POU5F1B: variants seen among roughly 807,000 people sequenced by gnomAD.
POU5F1B encodes POU class 5 homeobox 1B.
A neutral mutation model predicts 28.1 loss-of-function variants in POU5F1B; 24 were observed. The observed-to-expected ratio is 0.85, with a 90% CI of 0.62 to 1.20. The LOEUF (loss-of-function observed/expected upper bound fraction) is 1.20, where lower values mean the gene tolerates loss of function less well. Among genes scored for constraint, POU5F1B ranks in the 50% most tolerant of loss-of-function variants. The pLI, the probability that POU5F1B is intolerant of heterozygous loss-of-function variation, is 0.00. For synonymous variants in POU5F1B, 220 were observed against 193.2 expected (o/e 1.14, Z -1.15); for missense variants, 451 against 451.5 (o/e 1.00, Z 0.01).
exon 3 of POU5F1B, chr8:127,416,022 G>A (rs1321613473): frequency 5.0e-6 from 8 of 1,601,524 alleles, no homozygotes; most frequent in South Asian, 2.2e-5. Flanking sequence ...CGGGGGTTGG[G>A]CCAGGCTCTG....
chr8:127,416,187 C>T (rs765835039), exon 3 of POU5F1B: 1 of 1,613,876 alleles, frequency 6.2e-7, no homozygotes, highest in Non-Finnish European at 8.5e-7. Context: ...AGAGCAACTC[C>T]AATGGGGCCT....
exon 3 of POU5F1B, chr8:127,416,885 A>T (rs564660017): frequency 5.6e-6 from 9 of 1,600,286 alleles, no homozygotes. Flanking sequence ...CCTTTCCCTG[A>T]GGGGGAAGTC....
At chr8:127,415,609 T>C (rs1208276401) in exon 3 of POU5F1B, 1 of 552,530 alleles carries the variant, frequency 1.8e-6, no homozygotes, top group East Asian at 3.4e-5. Flanking sequence ...GGACACATTA[T>C]TCAACATTTC....
chr8:127,414,124 A>G (rs150704177), intron 1 of POU5F1B, among the ~76,000 whole-genome samples: 148 of 152,340 alleles, frequency 9.7e-4, no homozygotes, highest in South Asian at 4.1e-3. Context: ...AGTCATATCT[A>G]TCTTATTGGA....
At chr8:127,416,666 G>A (rs182961302) in exon 3 of POU5F1B, 3 of 1,604,198 alleles carry the variant, frequency 1.9e-6, no homozygotes, top group Middle Eastern at 1.7e-4. Flanking sequence ...CAGCAGCTTG[G>A]GCTCGAGAAG....
chr8:127,416,910 C>G (rs397839847), exon 3 of POU5F1B: 1 of 1,600,822 alleles, frequency 6.2e-7, no homozygotes. Context: ...CCCCAGTCTC[C>G]GTCATCACTC....
chr8:127,414,438 C>T (rs183729451), intron 1 of POU5F1B, among the ~76,000 whole-genome samples: 129 of 152,186 alleles, frequency 8.5e-4, no homozygotes, highest in Non-Finnish European at 3.5e-4. Context: ...AGAAAGGAGC[C>T]CACTGCTTAA....
exon 3 of POU5F1B, chr8:127,415,790 G>A (rs941036636): frequency 8.9e-5 from 129 of 1,455,012 alleles, no homozygotes; most frequent in Non-Finnish European, 1.1e-4. Context: ...ACAGCCATAC[G>A]GTCACAGAGC....
chr8:127,417,029 G>A lies in POU5F1B; in HGVS notation c.*83G>A, dbSNP rs78695295. On this transcript the variant is annotated 3_prime_UTR_variant, in exon 3 of 3. Coordinates refer to ENST00000465342, the Ensembl canonical transcript of POU5F1B. ...CCTGGAGTTTGTGGCAGGGCTTTTG[G>A]GATTAAGTTCTTCATTCACTAAGGA... The A allele has an allele frequency of 1.1e-3, 1,709 of 1,548,006 alleles. 21 individuals carry two copies. In the African/African-American group the frequency reaches 0.021, roughly 19 times the overall value.
At chr8:127,415,768 C>G (rs1268114249) in exon 3 of POU5F1B, 5 of 1,442,620 alleles carry the variant, frequency 3.5e-6, no homozygotes, top group Non-Finnish European at 4.6e-6. Flanking sequence ...TGCTAGTGAG[C>G]GTATGACACA....
chr8:127,416,212 A>G (rs770200466), exon 3 of POU5F1B: 10 of 1,613,878 alleles, frequency 6.2e-6, no homozygotes, highest in Admixed American at 1.7e-5. Flanking sequence ...GGAACCCTGC[A>G]CCGTCCCCCC....
exon 3 of POU5F1B, chr8:127,415,928 G>T: frequency 1.3e-6 from 2 of 1,553,904 alleles, no homozygotes; most frequent in Non-Finnish European, 1.7e-6. Flanking sequence ...GGGGGTGATG[G>T]GCCATGGGGG....
intron 1 of POU5F1B, among the ~76,000 whole-genome samples, chr8:127,413,884 C>T (rs1458318610): frequency 7.6e-6 from 1 of 132,250 alleles, no homozygotes; most frequent in Non-Finnish European, 1.7e-5. Context: ...ACACACAACA[C>T]CCGATATAAT....
chr8:127,414,211 A>T (rs1438629127), intron 1 of POU5F1B, among the ~76,000 whole-genome samples: 1 of 152,242 alleles, frequency 6.6e-6, no homozygotes, highest in African/African-American at 2.4e-5. Context: ...TTTCCAACTC[A>T]TATCCCAATT....
intron 1 of POU5F1B, chr8:127,414,760 G>C (rs904481424): frequency 6.6e-6 from 1 of 152,186 alleles, no homozygotes; most frequent in African/African-American, 2.4e-5. Context: ...AATGGTGAAG[G>C]CTAATTACCC....
At chr8:127,416,224 G>T in exon 3 of POU5F1B, 1 of 1,613,878 alleles carries the variant, frequency 6.2e-7, no homozygotes, top group Admixed American at 1.7e-5. Context: ...CGTCCCCCCT[G>T]GTGCCGTGAA....
chr8:127,415,980 C>T, exon 3 of POU5F1B: 2 of 1,583,184 alleles, frequency 1.3e-6, no homozygotes, highest in South Asian at 2.3e-5. Context: ...GGCTAAGCTT[C>T]CAAGGCCCTC....
exon 3 of POU5F1B, chr8:127,415,826 T>G: frequency 6.8e-7 from 1 of 1,477,878 alleles, no homozygotes; most frequent in Non-Finnish European, 9.0e-7. Context: ...ACATAATTGC[T>G]CATTTCACCA....
exon 3 of POU5F1B, chr8:127,415,897 T>C: frequency 6.5e-7 from 1 of 1,540,386 alleles, no homozygotes; most frequent in Non-Finnish European, 8.7e-7. Flanking sequence ...GGATTTCGCC[T>C]TCTCGCCCCC....
Sources: allele counts gnomAD v4.1 joint callset (sites outside exome capture counted in the v4.1 genomes callset), GRCh38; gene constraint gnomAD v4.1.1; transcripts MANE v1.5; gene names NCBI Gene and HGNC (gene_info 2026-07-23, HGNC 2026-07-21).